Variants in CA10 observed in about 807,000 individuals in gnomAD.
CA10 encodes the protein carbonic anhydrase-related protein 10.
Under a neutral mutation model 44.2 loss-of-function variants are expected in CA10, and 14 were observed. The observed-to-expected ratio is 0.32, with a 90% CI of 0.21 to 0.50. The LOEUF is 0.50. CA10 is among the 20% of genes least tolerant of loss of function. CA10 has a pLI of 0.99. For synonymous variants in CA10, 159 were observed against 141.6 expected, an observed-to-expected ratio of 1.12 and a Z score of -0.87; for missense variants, 350 against 409.7, an observed-to-expected ratio of 0.85 and a Z score of 1.26.
At chr17:52,153,211 A>G (rs1253228445) in intron 1 of CA10, among the ~76,000 whole-genome samples, 3 of 152,140 alleles carry the variant, frequency 2.0e-5, no homozygotes, top group African/African-American at 7.2e-5. Context: ...AGTTTTATCT[A>G]TGATGATGGT....
At chr17:52,094,205 TG>T (rs1988344329) in intron 1 of CA10, among the ~76,000 whole-genome samples, 1 of 152,054 alleles carries the variant, frequency 6.6e-6, no homozygotes, top group South Asian at 2.1e-4. Flanking sequence ...GACGAGTTGA[TG>T]GGTGAAAACC....
At chr17:51,827,210 T>C (rs1272323622) in intron 3 of CA10, among the ~76,000 whole-genome samples, 1 of 152,172 alleles carries the variant, frequency 6.6e-6, no homozygotes, top group Non-Finnish European at 1.5e-5. Context: ...TCCAATACCT[T>C]TGGGAGACAC....
At chr17:51,769,525 C>T (rs910374104) in intron 3 of CA10, among the ~76,000 whole-genome samples, 5 of 152,018 alleles carry the variant, frequency 3.3e-5, no homozygotes, top group Admixed American at 3.3e-4. Context: ...TACTCAGAAA[C>T]ATTTCTGGGA....
At chr17:51,940,491 C>T (rs1234167838) in intron 2 of CA10, among the ~76,000 whole-genome samples, 1 of 152,036 alleles carries the variant, frequency 6.6e-6, no homozygotes, top group Non-Finnish European at 1.5e-5. Context: ...CTCCTCATGT[C>T]TTCAGGTAGT....
chr17:52,111,897 T>C (rs1306551178), intron 1 of CA10, among the ~76,000 whole-genome samples: 1 of 152,178 alleles, frequency 6.6e-6, no homozygotes, highest in African/African-American at 2.4e-5. Flanking sequence ...TCTTTTCTTG[T>C]ACTTTTATCT....
chr17:51,663,861 C>T (rs1914107579), intron 4 of CA10, among the ~76,000 whole-genome samples: 1 of 152,222 alleles, frequency 6.6e-6, no homozygotes, highest in Admixed American at 6.5e-5. Flanking sequence ...ATATATCATT[C>T]ACATTTGCAT....
At chr17:51,678,055 C>T (rs144786769) in intron 4 of CA10, among the ~76,000 whole-genome samples, 1 of 152,066 alleles carries the variant, frequency 6.6e-6, no homozygotes, top group African/African-American at 2.4e-5. Flanking sequence ...TATTATCCTG[C>T]CATGAAAAGG....
chr17:51,757,609 G>A (rs553990261), intron 3 of CA10, among the ~76,000 whole-genome samples: 1 of 152,284 alleles, frequency 6.6e-6, no homozygotes, highest in South Asian at 2.1e-4. Flanking sequence ...CTGACTCAAA[G>A]TTAGAAATGC....
intron 2 of CA10, among the ~76,000 whole-genome samples, chr17:52,060,233 C>T: frequency 6.6e-6 from 1 of 152,026 alleles, no homozygotes; most frequent in Middle Eastern, 3.2e-3. Flanking sequence ...GAATTTTATA[C>T]AAAGTAGCTC....
chr17:52,145,531 C>A (rs922332776), intron 1 of CA10, among the ~76,000 whole-genome samples: 1 of 152,194 alleles, frequency 6.6e-6, no homozygotes, highest in African/African-American at 2.4e-5. Context: ...CTAATTCTAT[C>A]TTCCCTATAA....
intron 4 of CA10, among the ~76,000 whole-genome samples, chr17:51,673,087 TG>T (rs1914485191): frequency 6.6e-6 from 1 of 152,216 alleles, no homozygotes; most frequent in South Asian, 2.1e-4. Flanking sequence ...TCACATTGGA[TG>T]GTTTCAGGAA....
chr17:51,804,191 A>G (rs1907042785), intron 3 of CA10, among the ~76,000 whole-genome samples: 1 of 152,204 alleles, frequency 6.6e-6, no homozygotes, highest in Admixed American at 6.5e-5. Flanking sequence ...ATCTCCTTCA[A>G]TGTCAAGCCT....
At chr17:51,977,328 A>T (rs545931443) in intron 2 of CA10, among the ~76,000 whole-genome samples, 18 of 151,208 alleles carry the variant, frequency 1.2e-4, no homozygotes, top group African/African-American at 2.6e-4. Flanking sequence ...ACATTTTTTT[A>T]AAAAAAGGTT....
intron 3 of CA10, among the ~76,000 whole-genome samples, chr17:51,916,392 C>A (rs1347637234): frequency 6.6e-6 from 1 of 152,184 alleles, no homozygotes; most frequent in Non-Finnish European, 1.5e-5. Flanking sequence ...CCACCCAAAT[C>A]TCACCTGGAA....
chr17:52,108,556 T>G (rs1021453891), intron 1 of CA10, among the ~76,000 whole-genome samples: 1 of 151,602 alleles, frequency 6.6e-6, no homozygotes, highest in African/African-American at 2.4e-5. Flanking sequence ...AAAAATTAGC[T>G]GGGCGTGGTG....
chr17:52,097,249 A>G (rs965161926), intron 1 of CA10, among the ~76,000 whole-genome samples: 3 of 152,176 alleles, frequency 2.0e-5, no homozygotes, highest in Admixed American at 6.5e-5. Context: ...GTATAATCAC[A>G]TTTTTAAATG....
chr17:51,901,060 A>T (rs1981292594), intron 3 of CA10, among the ~76,000 whole-genome samples: 1 of 152,136 alleles, frequency 6.6e-6, no homozygotes, highest in Non-Finnish European at 1.5e-5. Flanking sequence ...GAACCAGTGC[A>T]GTTGTTTGGA....
intron 3 of CA10, among the ~76,000 whole-genome samples, chr17:51,798,258 G>T (rs535141983): frequency 1.3e-5 from 2 of 152,280 alleles, no homozygotes; most frequent in South Asian, 2.1e-4. Context: ...TTCCTTCTAC[G>T]TTATTTAGGT....
chr17:51,713,898 G>A (rs1916017170), intron 4 of CA10, among the ~76,000 whole-genome samples: 1 of 152,164 alleles, frequency 6.6e-6, no homozygotes, highest in Non-Finnish European at 1.5e-5. Context: ...GGAGATCCCT[G>A]GTACTGACCT....
Sources: allele counts gnomAD v4.1 joint callset (sites outside exome capture counted in the v4.1 genomes callset), GRCh38; gene constraint gnomAD v4.1.1; transcripts MANE v1.5; gene names NCBI Gene and HGNC (gene_info 2026-07-23, HGNC 2026-07-21).